The following MME variants were observed in gnomAD, a reference collection of about 807,000 sequenced individuals.
The protein encoded by MME is neprilysin.
Under a neutral mutation model 113.2 loss-of-function variants are expected in MME, and 98 were observed. That is an observed-to-expected ratio of 0.87 (90% CI 0.74 to 1.02). The LOEUF (loss-of-function observed/expected upper bound fraction) is 1.02. MME is among the 50% of genes least tolerant of loss of function. The probability of loss-of-function intolerance (pLI) is 0.00; values close to 1 mark genes in which losing one functional copy is unlikely to be tolerated. For synonymous variants in MME, 292 were observed against 300.6 expected (o/e 0.97, Z 0.30); for missense variants, 836 against 896.0 (o/e 0.93, Z 0.86).
At chr3:155,177,726 G>A (rs955939396) in intron 22 of MME, among the ~76,000 whole-genome samples, 5 of 152,034 alleles carry the variant, frequency 3.3e-5, no homozygotes, top group Admixed American at 6.6e-5. Context: ...ATGGACATTT[G>A]TTTTTTTCAA....
chr3:155,167,163 C>G, intron 18 of MME, 142 bp downstream of exon 18: 1 of 1,161,540 alleles, frequency 8.6e-7, no homozygotes, highest in Non-Finnish European at 1.3e-6. Flanking sequence ...TCAATTTTCC[C>G]TTTAAATTGT....
chr3:155,065,730 C>A (rs1173214668), intron 1 of MME, among the ~76,000 whole-genome samples: 2 of 152,088 alleles, frequency 1.3e-5, no homozygotes, highest in African/African-American at 2.4e-5. Flanking sequence ...CTGGGAGGTG[C>A]CTTAAATAGA....
At position 155,178,482 on chromosome 3, in the gene MME, C is replaced by T. The variant is rs1161474080; in HGVS notation, c.2154-1878C>T. Among the ~76,000 whole-genome samples, 4 of 152,086 alleles carry T rather than the reference C, an allele frequency of 2.6e-5. No individual in the cohort carries two copies. In the South Asian group the frequency reaches 6.2e-4, roughly 24 times the overall value. On this transcript the variant is annotated intron_variant, in intron 22 of 22. Coordinates refer to ENST00000360490, the MANE Select transcript of MME (RefSeq NM_007289.4). ...GAAACACTAAGTCGTGTTTTTCTTC[C>T]TAATACCCTATTGCTTCTCTACAGG...
At chr3:155,086,551 T>C (rs544054682) in intron 3 of MME, among the ~76,000 whole-genome samples, 193 of 152,214 alleles carry the variant, frequency 1.3e-3, no homozygotes, top group African/African-American at 4.5e-3. Flanking sequence ...GAAAAATAAG[T>C]CAGAGCAGAA....
chr3:155,116,604 ATATT>A (rs749723935), intron 5 of MME, 45 bp downstream of exon 5: 1 of 1,476,788 alleles, frequency 6.8e-7, no homozygotes, highest in East Asian at 2.3e-5. Context: ...ATATATATAT[ATATT>A]GGTGCCAAAC....
At chr3:155,048,510 C>T (rs1310115110) in intron 1 of MME, among the ~76,000 whole-genome samples, 1 of 152,054 alleles carries the variant, frequency 6.6e-6, no homozygotes, top group Non-Finnish European at 1.5e-5. Flanking sequence ...ACCTTTTGTA[C>T]TTAAATGACA....
At chr3:155,097,784 G>A (rs745562290) in intron 3 of MME, among the ~76,000 whole-genome samples, 5 of 152,172 alleles carry the variant, frequency 3.3e-5, no homozygotes, top group African/African-American at 4.8e-5. Flanking sequence ...CTGGGAGTGA[G>A]CTGGTAGAGA....
At chr3:155,107,459 G>A (rs1322693379) in intron 3 of MME, among the ~76,000 whole-genome samples, 15 of 152,018 alleles carry the variant, frequency 9.9e-5, no homozygotes, top group Non-Finnish European at 5.9e-5. Flanking sequence ...TATTTAAAAC[G>A]TGGCTAATTT....
intron 8 of MME, among the ~76,000 whole-genome samples, chr3:155,126,409 T>G (rs74927115): frequency 2.3e-5 from 1 of 44,254 alleles, no homozygotes; most frequent in Non-Finnish European, 4.4e-5. Flanking sequence ...CAGTAAAAGC[T>G]TTTTTTTTTT....
intron 1 of MME, 79 bp downstream of exon 1, chr3:155,080,545 A>G (rs1266720713): frequency 1.3e-5 from 2 of 152,054 alleles, no homozygotes; most frequent in Non-Finnish European, 2.9e-5. Flanking sequence ...TAACCGGAAG[A>G]TCTTTTCATT....
At chr3:155,100,355 T>C (rs370527273) in intron 3 of MME, among the ~76,000 whole-genome samples, 3 of 147,904 alleles carry the variant, frequency 2.0e-5, no homozygotes. Context: ...CAATGAGATA[T>C]CATCTCACAC....
Position 155,170,971 on chromosome 3 carries a change from G to C in MME, c.1981-1146G>C, listed in dbSNP as rs147857446. 2.6e-4 allele frequency among the ~76,000 whole-genome samples: 40 copies of C among 152,220 alleles called. 1 individual carries two copies. The East Asian group carries it at 7.5e-3, about 29-fold the overall frequency. On this transcript the variant is annotated intron_variant, in intron 20 of 22. Transcript: ENST00000360490. Reference sequence around the variant, plus strand: ...TAAATATTTTGTTCATCATTTAGTTGTTTCCACAAGAAGTTAAATCCAGTC... The same window carrying C: ...TAAATATTTTGTTCATCATTTAGTTCTTTCCACAAGAAGTTAAATCCAGTC...
intron 4 of MME, among the ~76,000 whole-genome samples, chr3:155,115,840 A>T (rs909518829): frequency 6.6e-6 from 1 of 152,208 alleles, no homozygotes; most frequent in Non-Finnish European, 1.5e-5. Flanking sequence ...GTAAGATGTT[A>T]CTAAGATTTG....
At chr3:155,084,910 A>G in intron 2 of MME, 149 bp from the exon 3 acceptor site, 2 of 479,202 alleles carry the variant, frequency 4.2e-6, no homozygotes, top group East Asian at 6.7e-5. Context: ...ATTTTTTCTA[A>G]CCACTGACAA....
At chr3:155,102,796 C>T (rs1040892018) in intron 3 of MME, among the ~76,000 whole-genome samples, 1 of 152,166 alleles carries the variant, frequency 6.6e-6, no homozygotes, top group African/African-American at 2.4e-5. Context: ...GACCAGGCCT[C>T]TGCTCCCACC....
intron 8 of MME, among the ~76,000 whole-genome samples, chr3:155,133,062 A>AAAAAATATATATATATATATATATATAT (rs1553762419): frequency 1.3e-4 from 10 of 75,028 alleles, no homozygotes; most frequent in Non-Finnish European, 2.1e-4. Context: ...AAAAAAAAAA[A>AAAAAATATATATATATATATATATATAT]ATATATATAT....
intron 1 of MME, among the ~76,000 whole-genome samples, chr3:155,060,829 C>CAGAGAGAGAGAG (rs138935329): frequency 3.5e-3 from 476 of 137,734 alleles, no homozygotes; most frequent in African/African-American, 0.012. Context: ...TGCAGAGAGG[C>CAGAGAGAGAGAG]AGAGAGAGAG....
At chr3:155,036,524 C>T (rs924614131) in intron 1 of MME, among the ~76,000 whole-genome samples, 3 of 152,044 alleles carry the variant, frequency 2.0e-5, no homozygotes, top group Non-Finnish European at 2.9e-5. Context: ...TGTGATCATA[C>T]AGTATGTAAT....
intron 17 of MME, among the ~76,000 whole-genome samples, chr3:155,166,099 A>AT (rs1337247890): frequency 6.6e-6 from 1 of 152,324 alleles, no homozygotes; most frequent in African/African-American, 2.4e-5. Flanking sequence ...TTATTCATTG[A>AT]TTCAGCACAT....
Sources: allele counts gnomAD v4.1 joint callset (sites outside exome capture counted in the v4.1 genomes callset), GRCh38; gene constraint gnomAD v4.1.1; transcripts MANE v1.5; gene names NCBI Gene and HGNC (gene_info 2026-07-23, HGNC 2026-07-21).